The following LTF variants were observed in gnomAD, a reference collection of about 807,000 sequenced individuals.
LTF encodes lactotransferrin.
Under a neutral mutation model 87.2 loss-of-function variants are expected in LTF, and 91 were observed. That is an observed-to-expected ratio of 1.04 (90% confidence interval 0.88 to 1.24). The LOEUF is 1.24. Ranked by LOEUF, LTF falls within the 50% of genes most tolerant of loss-of-function variation. The pLI, the probability that LTF is intolerant of heterozygous loss-of-function variation, is 0.00. For synonymous variants in LTF, 378 were observed against 356.1 expected, an observed-to-expected ratio of 1.06 and a Z score of -0.69; for missense variants, 901 against 904.3, an observed-to-expected ratio of 1.00 and a Z score of 0.05.
chr3:46,439,605 G>A, intron 14 of LTF, 125 bp from the exon 15 acceptor site: 5 of 735,862 alleles, frequency 6.8e-6, no homozygotes, highest in Non-Finnish European at 1.1e-5. Context: ...GTGATGTGAG[G>A]AACAGAGAAG....
chr3:46,436,707 TCCTGAGCTGGCTGCTCACAAGAAGAGC>T (rs1428199097), intron 16 of LTF, among the ~76,000 whole-genome samples: 3 of 152,198 alleles, frequency 2.0e-5, no homozygotes, highest in African/African-American at 4.8e-5. Flanking sequence ...GTCTATGCAG[TCCTGAGCTGGCTGCTCACAAGAAGAGC>T]CCTGTAGCCA....
chr3:46,457,885 C>G (rs938832252), intron 2 of LTF, among the ~76,000 whole-genome samples: 1 of 152,104 alleles, frequency 6.6e-6, no homozygotes, highest in African/African-American at 2.4e-5. Flanking sequence ...TAAAGCGATT[C>G]TCTTGCCTCA....
chr3:46,443,927 A>AT (rs1702584196), intron 12 of LTF, among the ~76,000 whole-genome samples: 1 of 151,982 alleles, frequency 6.6e-6, no homozygotes, highest in Non-Finnish European at 1.5e-5. Context: ...CCAGGATCTG[A>AT]TTTTGTTTTT....
At chr3:46,484,930 T>A (rs1575331869) in intron 1 of LTF, 2 of 152,386 alleles carry the variant, frequency 1.3e-5, no homozygotes, top group South Asian at 4.1e-4. Flanking sequence ...AGACCCTCTC[T>A]GGGACCCGGC....
At chr3:46,465,038 C>G, upstream of LTF, 1 of 689,718 alleles carries the variant, frequency 1.4e-6, no homozygotes, top group East Asian at 2.8e-5. Flanking sequence ...CCGAAAAGCC[C>G]TGAGGCAGGA....
intron 1 of LTF, among the ~76,000 whole-genome samples, chr3:46,464,244 T>A (rs1194483739): frequency 3.3e-5 from 5 of 152,076 alleles, no homozygotes; most frequent in Admixed American, 3.3e-4. Context: ...TGGCTGACAT[T>A]TCCCTCTCAA....
Position 46,459,687 on chromosome 3 carries a change from T to A in LTF, c.176A>T (p.Asp59Val). 6.4e-7 allele frequency: 1 copy of A among 1,551,176 alleles called. No homozygotes were observed. The highest frequency in any genetic ancestry group is 8.7e-7 in the Non-Finnish European group (1 of 1,152,042). ...RGPPVSCIKR[D>V]SPIQCIQAIA... ...GGCCTGGATACACTGGATGGGGGAG[T>A]CTCTCTTTATGCAGCTGACAGGAGG... Residue 59 changes from aspartate (D) to valine (V), a missense_variant, in exon 2 of 17, where the codon GAC becomes GTC. Asp to Val is a radical substitution (Grantham distance 152, BLOSUM62 -3). Transcript: ENST00000231751.
At chr3:46,450,845 G>GC (rs2106866711) in intron 6 of LTF, among the ~76,000 whole-genome samples, 172 bp from the exon 7 acceptor site, 1 of 152,292 alleles carries the variant, frequency 6.6e-6, no homozygotes, top group South Asian at 2.1e-4. Flanking sequence ...TAAAGGTAGT[G>GC]CCCCAAAAGC....
intron 1 of LTF, among the ~76,000 whole-genome samples, chr3:46,474,568 T>A (rs186263978): frequency 1.0e-3 from 152 of 152,270 alleles, no homozygotes; most frequent in African/African-American, 3.3e-3. Flanking sequence ...AGCAAGAGTG[T>A]AGAAGAATTC....
At chr3:46,461,432 T>C (rs1346747430) in intron 1 of LTF, among the ~76,000 whole-genome samples, 1 of 152,210 alleles carries the variant, frequency 6.6e-6, no homozygotes, top group Non-Finnish European at 1.5e-5. Flanking sequence ...TGAATGTACA[T>C]CCATTCAATG....
upstream of LTF, chr3:46,468,182 G>A (rs1440103104): frequency 4.4e-6 from 2 of 456,660 alleles, no homozygotes; most frequent in South Asian, 1.5e-5. Context: ...TGGGTCTGAA[G>A]GATAGTGAGG....
At chr3:46,450,458 T>A (rs6774882) in intron 7 of LTF, 37 bp downstream of exon 7, 267,517 of 1,573,770 alleles carry the variant, frequency 0.17, 23,923 homozygotes, top group South Asian at 0.26. Context: ...CTGCCCCCCA[T>A]ATCCAAGCAA....
At chr3:46,484,249 G>A (rs1343324345) in intron 1 of LTF, among the ~76,000 whole-genome samples, 1 of 152,218 alleles carries the variant, frequency 6.6e-6, no homozygotes, top group Non-Finnish European at 1.5e-5. Flanking sequence ...GCTGGGGCCT[G>A]GGCTCTGGCT....
At chr3:46,466,235 G>C (rs1167759893), upstream of LTF, among the ~76,000 whole-genome samples, 1 of 151,224 alleles carries the variant, frequency 6.6e-6, no homozygotes, top group Non-Finnish European at 1.5e-5. Context: ...GTAAGACTCT[G>C]TAACCCCCAC....
At chr3:46,438,272 C>T (rs1169451571) in intron 15 of LTF, 143 bp from the exon 16 acceptor site, 4 of 712,240 alleles carry the variant, frequency 5.6e-6, no homozygotes, top group Non-Finnish European at 9.5e-6. Context: ...GTCATTCCAC[C>T]TCCTTAGTGG....
Position 46,448,900 on chromosome 3 carries a change from G to A in LTF, c.1175C>T (p.Ser392Leu), listed in dbSNP as rs199842166. 59 of 1,613,526 alleles carry A rather than the reference G, an allele frequency of 3.7e-5. No homozygotes were observed. The highest frequency in any genetic ancestry group is 6.7e-5 in the African/African-American group (5 of 75,002). ...GLSEGSVTCS[S>L]ASTTEDCIAL... Reference sequence around the variant, plus strand: ...GATGCAGTCCTCTGTGGTGGAGGCCGAGGAGCAGGTCACGCTGCCTTCGCT... The same window carrying A: ...GATGCAGTCCTCTGTGGTGGAGGCCAAGGAGCAGGTCACGCTGCCTTCGCT... The change falls in exon 9 of 17, where the codon TCG becomes TTG. Residue 392 changes from serine to leucine, a missense_variant. Ser to Leu is a moderately radical substitution (Grantham distance 145). Transcript: ENST00000231751.
In LTF at chr3:46,456,403, A is replaced by C; in HGVS notation, c.208-5T>G. Reference sequence around the variant, plus strand: ...CACAGCATCGGCCCTGTTTTCCTGAAAGTAAAGAGGCCAGACTGGCTTCAG... The same window carrying C: ...CACAGCATCGGCCCTGTTTTCCTGACAGTAAAGAGGCCAGACTGGCTTCAG... On this transcript the variant is annotated splice_region_variant and splice_polypyrimidine_tract_variant and intron_variant, in intron 2 of 16. Transcript: ENST00000231751. 6.2e-7 allele frequency: 1 copy of C among 1,612,552 alleles called. No individual in the cohort carries two copies. Among genetic ancestry groups the C allele is most frequent in the Non-Finnish European group, 8.5e-7 (1 of 1,178,622 alleles).
chr3:46,463,653 C>G, intron 1 of LTF: 2 of 985,542 alleles, frequency 2.0e-6, no homozygotes, highest in Non-Finnish European at 2.4e-6. Context: ...TGGTGCAACT[C>G]TGAGCCAGAA....
intron 1 of LTF, among the ~76,000 whole-genome samples, chr3:46,479,918 C>T (rs1042278995): frequency 1.3e-5 from 2 of 152,154 alleles, no homozygotes; most frequent in Admixed American, 6.5e-5. Context: ...ATGGGATTTG[C>T]TTACATTACA....
Sources: allele counts gnomAD v4.1 joint callset (sites outside exome capture counted in the v4.1 genomes callset), GRCh38; gene constraint gnomAD v4.1.1; transcripts MANE v1.5; gene names NCBI Gene and HGNC (gene_info 2026-07-23, HGNC 2026-07-21).